COL4A1: variants seen among roughly 807,000 people sequenced by gnomAD.
COL4A1 encodes the protein collagen alpha-1(IV) chain.
In COL4A1, 40 loss-of-function variants were observed where a neutral mutation model predicts 216.6. That is an observed-to-expected ratio of 0.18 (90% CI 0.14 to 0.24). The LOEUF (loss-of-function observed/expected upper bound fraction) is 0.24. Ranked by LOEUF, COL4A1 falls within the 10% of genes least tolerant of loss-of-function variation. The pLI is 1.00. For synonymous variants in COL4A1, 839 were observed against 810.7 expected, an observed-to-expected ratio of 1.03 and a Z score of -0.59; for missense variants, 1,628 against 2,196.8, an observed-to-expected ratio of 0.74 and a Z score of 5.18.
At chr13:110,287,144 C>G (rs1008715084) in intron 1 of COL4A1, among the ~76,000 whole-genome samples, 4 of 152,286 alleles carry the variant, frequency 2.6e-5, no homozygotes, top group Admixed American at 1.3e-4. Flanking sequence ...GCTGCAAGGC[C>G]AAGCCACAGG....
chr13:110,166,359 TG>T, intron 44 of COL4A1, 56 bp from the exon 45 acceptor site: 1 of 1,065,914 alleles, frequency 9.4e-7, no homozygotes, highest in Non-Finnish European at 1.5e-6. Context: ...TATACAAATA[TG>T]TGTGTGTATA....
Position 110,210,112 on chromosome 13 carries a change from A to G in COL4A1, c.552+17T>C. 1.2e-6 allele frequency: 2 copies of G among 1,614,040 alleles called. No homozygotes were observed. Among genetic ancestry groups the G allele is most frequent in the East Asian group, 2.2e-5 (1 of 44,862 alleles). ...GGTGAGGTGGCACATGTTCATAATG[A>G]TTCAGCAAATGCTTACTGGAGTCCC... On this transcript the variant is annotated intron_variant, in intron 9 of 51. Transcript: ENST00000375820.
At chr13:110,305,525 T>G (rs72655742) in intron 1 of COL4A1, among the ~76,000 whole-genome samples, 38,117 of 152,234 alleles carry the variant, frequency 0.25, 5,331 homozygotes, top group South Asian at 0.32. Flanking sequence ...ATCATCAGGC[T>G]TCACCATCTC....
intron 1 of COL4A1, among the ~76,000 whole-genome samples, chr13:110,289,473 CCT>C (rs1883995348): frequency 6.6e-6 from 1 of 152,126 alleles, no homozygotes; most frequent in Non-Finnish European, 1.5e-5. Flanking sequence ...TCCAGGCAGC[CCT>C]GTTACTATTC....
chr13:110,192,156 G>C (rs1246176515), intron 24 of COL4A1, 58 bp downstream of exon 24: 2 of 1,549,896 alleles, frequency 1.3e-6, no homozygotes, highest in African/African-American at 2.7e-5. Context: ...ACACAACTCT[G>C]TCCACGTGCT....
At chr13:110,265,654 A>T (rs1882999984) in intron 1 of COL4A1, 1 of 152,256 alleles carries the variant, frequency 6.6e-6, no homozygotes, top group Non-Finnish European at 1.5e-5. Flanking sequence ...CTTTCAGGAA[A>T]GGAGATCCTA....
intron 1 of COL4A1, among the ~76,000 whole-genome samples, chr13:110,262,227 C>T (rs994989814): frequency 6.6e-6 from 1 of 152,142 alleles, no homozygotes; most frequent in Admixed American, 6.5e-5. Context: ...AGGCAAGGAC[C>T]GCGAGGTCTG....
At chr13:110,220,921 G>C (rs1880449031) in intron 2 of COL4A1, among the ~76,000 whole-genome samples, 1 of 152,210 alleles carries the variant, frequency 6.6e-6, no homozygotes, top group Admixed American at 6.5e-5. Flanking sequence ...CAGGATTCTT[G>C]AGTGGAAAAT....
chr13:110,165,930 G>C (rs951173874), intron 45 of COL4A1, among the ~76,000 whole-genome samples: 7 of 152,094 alleles, frequency 4.6e-5, no homozygotes, highest in Non-Finnish European at 1.0e-4. Flanking sequence ...TTGATTTCAG[G>C]CTAACTTGAG....
intron 2 of COL4A1, among the ~76,000 whole-genome samples, chr13:110,216,331 C>T (rs1880085159): frequency 6.6e-6 from 1 of 152,166 alleles, no homozygotes; most frequent in Non-Finnish European, 1.5e-5. Flanking sequence ...AGTTACAGTG[C>T]ACAAGGTCAC....
chr13:110,190,436 T>A (rs1450114978), intron 24 of COL4A1, among the ~76,000 whole-genome samples: 6 of 152,154 alleles, frequency 3.9e-5, no homozygotes, highest in East Asian at 1.9e-4. Context: ...CCAGGAACCA[T>A]GAAACCTGCT....
intron 1 of COL4A1, among the ~76,000 whole-genome samples, chr13:110,267,102 G>T (rs1883066997): frequency 6.6e-6 from 1 of 152,178 alleles, no homozygotes; most frequent in Non-Finnish European, 1.5e-5. Context: ...GAAACCCACA[G>T]CGAGGGCAGC....
At chr13:110,297,034 C>G (rs1299519854) in intron 1 of COL4A1, among the ~76,000 whole-genome samples, 1 of 152,220 alleles carries the variant, frequency 6.6e-6, no homozygotes, top group Non-Finnish European at 1.5e-5. Context: ...TGAAGCTCCT[C>G]AAGCCCGTCT....
chr13:110,247,105 C>T (rs775368437), intron 1 of COL4A1, among the ~76,000 whole-genome samples: 4 of 152,112 alleles, frequency 2.6e-5, no homozygotes. Flanking sequence ...TATTTATACT[C>T]CTAAAACTGT....
Position 110,176,463 on chromosome 13 carries a change from G to C in COL4A1, c.3019C>G (p.Pro1007Ala). Reference sequence around the variant, plus strand: ...CCACCAACAGATCCTTTTGGTCCCGGAAGTCCTGGAGCACCTGGGGTTCCA... The same window carrying C: ...CCACCAACAGATCCTTTTGGTCCCGCAAGTCCTGGAGCACCTGGGGTTCCA... The part of the protein sequence containing the change: ...ISGTPGAPGL[P>A]GPKGSVGGMG... The change falls in exon 36 of 52, where the codon CCG becomes GCG. Residue 1007 changes from proline to alanine, a missense_variant. Physicochemically the swap from Pro to Ala is conservative, Grantham distance 27. This residue lies in a region of COL4A1 where 58 missense variants were observed against 132.5 expected (regional missense o/e 0.44). Transcript: ENST00000375820. The C allele has an allele frequency of 6.2e-7, 1 of 1,614,038 alleles. No individual in the cohort carries two copies. Among genetic ancestry groups the C allele is most frequent in the Non-Finnish European group, 8.5e-7 (1 of 1,179,902 alleles).
At chr13:110,303,496 G>A (rs1348763940) in intron 1 of COL4A1, among the ~76,000 whole-genome samples, 1 of 152,174 alleles carries the variant, frequency 6.6e-6, no homozygotes. Flanking sequence ...AAACTTGAAG[G>A]TCATCTTTCA....
intron 1 of COL4A1, among the ~76,000 whole-genome samples, chr13:110,276,060 A>AT (rs1883415296): frequency 2.4e-3 from 1 of 414 alleles, no homozygotes; most frequent in Non-Finnish European, 0.01. Context: ...TGAACTATGG[A>AT]CGGGGGATAG....
intron 1 of COL4A1, among the ~76,000 whole-genome samples, chr13:110,278,833 T>C (rs1014883468): frequency 1.3e-5 from 2 of 152,192 alleles, no homozygotes; most frequent in African/African-American, 4.8e-5. Context: ...TTGGGTGGGA[T>C]TGCTGGGTAC....
At position 110,207,207 on chromosome 13, in the gene COL4A1, C is replaced by T. The variant is rs150412260; in HGVS notation, c.780+196G>A. On this transcript the variant is annotated intron_variant, in intron 13 of 51. Transcript: ENST00000375820. The surrounding 1 kb of genome is among the most constrained non-coding windows in gnomAD (Gnocchi z 4.4). The stretch of plus-strand genomic sequence containing the variant: ...CCAGCGGGGTGAGCCTCAGATCAGG[C>T]TTGGACCAATCCAGTTCCAGCTGTC... Among the ~76,000 whole-genome samples, 64 of 152,152 alleles carry T rather than the reference C, an allele frequency of 4.2e-4. No individual in the cohort carries two copies. The highest frequency in any genetic ancestry group is 3.4e-3 in the Middle Eastern group (1 of 294).
Sources: allele counts gnomAD v4.1 joint callset (sites outside exome capture counted in the v4.1 genomes callset), GRCh38; gene constraint gnomAD v4.1.1; regional missense constraint gnomAD v4.1.1; non-coding constraint Gnocchi (gnomAD v3.1); transcripts MANE v1.5; gene names NCBI Gene and HGNC (gene_info 2026-07-23, HGNC 2026-07-21).